The following TLE1 variants were observed in gnomAD, a reference collection of about 807,000 sequenced individuals.
TLE1 encodes TLE family member 1, transcriptional corepressor, also known as transducin-like enhancer protein 1.
TLE1 carries 21 observed loss-of-function variants against 89.8 expected under a neutral mutation model. That is an observed-to-expected ratio of 0.23 (90% CI 0.17 to 0.34). TLE1 has a LOEUF of 0.34. TLE1 is among the 10% of genes least tolerant of loss of function. The probability of loss-of-function intolerance (pLI) is 1.00; values close to 1 mark genes in which losing one functional copy is unlikely to be tolerated. For missense variants in TLE1, 795 were observed against 1,031.2 expected (o/e 0.77, Z 3.14); for synonymous variants, 447 against 407.6 (o/e 1.10, Z -1.16).
In TLE1 at chr9:81,634,175, G is replaced by A; in HGVS notation, c.499C>T (p.Leu167=). Residue 167 remains leucine, a synonymous_variant, in exon 7 of 20, where the codon CTG becomes TTG. Transcript: ENST00000376499. ...PLGGSAGLLA[L]SSALSGQSHL... ...GACTGCCCACTCAGAGCACTAGACA[G>A]CGCAAGAAGGCCGGCACTGCCCCCG... 6.3e-7 allele frequency: 1 copy of A among 1,597,304 alleles called. No homozygotes were observed. The highest frequency in any genetic ancestry group is 8.5e-7 in the Non-Finnish European group (1 of 1,170,408).
At chr9:81,665,912 T>C (rs1356088433) in intron 4 of TLE1, among the ~76,000 whole-genome samples, 1 of 151,694 alleles carries the variant, frequency 6.6e-6, no homozygotes, top group African/African-American at 2.4e-5. Flanking sequence ...TGAAGTTGAG[T>C]CTGCAATGCT....
intron 14 of TLE1, among the ~76,000 whole-genome samples, chr9:81,607,199 C>T (rs992015359): frequency 1.3e-5 from 2 of 152,172 alleles, no homozygotes; most frequent in Admixed American, 6.5e-5. Flanking sequence ...ACTGTGTCCA[C>T]TGTCCTTGTC....
At chr9:81,686,642 C>G (rs1225196146) in intron 2 of TLE1, among the ~76,000 whole-genome samples, 5 of 152,152 alleles carry the variant, frequency 3.3e-5, no homozygotes, top group African/African-American at 9.7e-5. Context: ...TTCATAGGAA[C>G]AAGGGAAAGA....
Position 81,682,607 on chromosome 9 carries a change from C to A in TLE1, c.234+3069G>T, listed in dbSNP as rs182431154. ...AAATATCAAATGAGGTAATATCAAA[C>A]CATATGACAGACAAAAACATTTAAA... is the stretch of plus-strand genomic sequence containing the variant. On this transcript the variant is annotated intron_variant, in intron 4 of 19. Coordinates refer to ENST00000376499, the MANE Select transcript of TLE1 (RefSeq NM_005077.5). 1.7e-4 allele frequency among the ~76,000 whole-genome samples: 26 copies of A among 152,244 alleles called. No individual in the cohort carries two copies. The East Asian group carries it at 5.0e-3, about 29-fold the overall frequency.
intron 17 of TLE1, 62 bp from the exon 18 acceptor site, chr9:81,585,717 C>T: frequency 6.3e-7 from 1 of 1,579,578 alleles, no homozygotes; most frequent in Non-Finnish European, 8.6e-7. Context: ...AGGGAAGACG[C>T]AATGTGAAAA....
chr9:81,587,588 A>G, intron 17 of TLE1, 93 bp downstream of exon 17: 1 of 1,433,212 alleles, frequency 7.0e-7, no homozygotes. Flanking sequence ...TCCAGCCACT[A>G]CCATCCTAGG....
chr9:81,687,239 CG>C, intron 2 of TLE1, 94 bp downstream of exon 2: 1 of 1,000,782 alleles, frequency 1.0e-6, no homozygotes, highest in Non-Finnish European at 1.5e-6. Flanking sequence ...ACCGCCTGGA[CG>C]CAAGAACTAA....
intron 4 of TLE1, among the ~76,000 whole-genome samples, chr9:81,659,260 G>A (rs1830492278): frequency 6.6e-6 from 1 of 152,158 alleles, no homozygotes; most frequent in Non-Finnish European, 1.5e-5. Context: ...TGTGCTGGCA[G>A]GTTAACCTGG....
intron 14 of TLE1, among the ~76,000 whole-genome samples, chr9:81,608,008 G>C (rs1831915579): frequency 6.6e-6 from 1 of 152,208 alleles, no homozygotes; most frequent in African/African-American, 2.4e-5. Flanking sequence ...TAAAAAGCAG[G>C]TGACAGGGTA....
In TLE1 at chr9:81,616,710, GA is replaced by G; in HGVS notation, c.712-12del. 1 of 1,613,972 alleles carries G rather than the reference GA, an allele frequency of 6.2e-7. No individual in the cohort carries two copies. The highest frequency in any genetic ancestry group is 8.5e-7 in the Non-Finnish European group (1 of 1,179,930). On this transcript the variant is annotated splice_polypyrimidine_tract_variant and intron_variant, in intron 9 of 19. Coordinates refer to ENST00000376499, the MANE Select transcript of TLE1 (RefSeq NM_005077.5). ...GTCACCATCACTGTCCTGGAAAAAAGAAACATTAACGCCATTTACTAAAAGC... is the reference window on the plus strand; with the variant it reads ...GTCACCATCACTGTCCTGGAAAAAAGAACATTAACGCCATTTACTAAAAGC...
chr9:81,606,609 C>T (rs1234464096), intron 14 of TLE1, among the ~76,000 whole-genome samples: 1 of 152,032 alleles, frequency 6.6e-6, no homozygotes, highest in African/African-American at 2.4e-5. Context: ...GGGAACATCA[C>T]ACACTGGGGC....
intron 6 of TLE1, among the ~76,000 whole-genome samples, chr9:81,644,248 T>G (rs566163518): frequency 1.4e-4 from 21 of 152,204 alleles, no homozygotes; most frequent in Non-Finnish European, 2.4e-4. Flanking sequence ...AGAGAAAACA[T>G]GCCCACACAA....
intron 14 of TLE1, among the ~76,000 whole-genome samples, chr9:81,606,905 C>T (rs1367136769): frequency 6.6e-6 from 1 of 151,576 alleles, no homozygotes; most frequent in African/African-American, 2.4e-5. Flanking sequence ...CATAATATGG[C>T]TCAAACATGA....
chr9:81,631,941 A>T (rs1227774083), intron 8 of TLE1, among the ~76,000 whole-genome samples: 1 of 152,164 alleles, frequency 6.6e-6, no homozygotes, highest in Non-Finnish European at 1.5e-5. Context: ...CGTCTGTACT[A>T]AAAATACAAA....
At position 81,688,349 on chromosome 9, in the gene TLE1, G is replaced by C; in HGVS notation, c.-109C>G. 8.0e-7 allele frequency: 1 copy of C among 1,255,116 alleles called. No homozygotes were observed. The allele number at this position is 1,255,116 out of a possible 1,614,324, so 77.7% of individuals were successfully genotyped here. On this transcript the variant is annotated 5_prime_UTR_variant, in exon 1 of 20. Transcript: ENST00000376499. ...AAGCCGGAAAGCCAAGCAGAAGCGGGGAGCGCGCTGGCCACGCACGCGCGC... is the reference window on the plus strand; with the variant it reads ...AAGCCGGAAAGCCAAGCAGAAGCGGCGAGCGCGCTGGCCACGCACGCGCGC...
At chr9:81,635,659 TTTTA>T (rs1156476878) in intron 6 of TLE1, among the ~76,000 whole-genome samples, 41 of 152,324 alleles carry the variant, frequency 2.7e-4, no homozygotes, top group African/African-American at 7.7e-4. Flanking sequence ...CAATTACTCA[TTTTA>T]TTTATTATCC....
chr9:81,589,609 C>A (rs943998086), intron 16 of TLE1, among the ~76,000 whole-genome samples: 49 of 152,140 alleles, frequency 3.2e-4, no homozygotes, highest in African/African-American at 1.1e-3. Flanking sequence ...GACTGTGTGA[C>A]CTGAAGCCAG....
intron 6 of TLE1, among the ~76,000 whole-genome samples, chr9:81,638,842 C>G (rs1323333797): frequency 6.6e-6 from 1 of 152,154 alleles, no homozygotes; most frequent in Non-Finnish European, 1.5e-5. Context: ...CCAGGCTGGT[C>G]TGCAACTCCT....
chr9:81,611,122 G>A (rs1587955015), intron 13 of TLE1, among the ~76,000 whole-genome samples: 1 of 152,272 alleles, frequency 6.6e-6, no homozygotes. Context: ...TGCAATCAAC[G>A]ATCACAGAGC....
Sources: gnomAD v4.1 joint callset for allele counts (sites outside exome capture counted in the v4.1 genomes callset) on GRCh38, gnomAD v4.1.1 for gene constraint, MANE v1.5 for transcripts, NCBI Gene and HGNC (gene_info 2026-07-23, HGNC 2026-07-21) for gene names.